HIGD1C: variants seen among roughly 807,000 people sequenced by gnomAD.
HIGD1C encodes HIG1 domain family member 1C.
HIGD1C carries 11 observed loss-of-function variants against 13.1 expected under a neutral mutation model. The observed-to-expected ratio is 0.84, with a 90% CI of 0.53 to 1.39. The LOEUF (loss-of-function observed/expected upper bound fraction) is 1.39. Ranked by LOEUF, HIGD1C falls within the 40% of genes most tolerant of loss-of-function variation. The pLI, the probability that HIGD1C is intolerant of heterozygous loss-of-function variation, is 0.00. For missense variants in HIGD1C, 110 were observed against 112.0 expected (o/e 0.98, Z 0.08); for synonymous variants, 36 against 37.7 (o/e 0.95, Z 0.17).
the HIGD1C span, among the ~76,000 whole-genome samples, chr12:50,941,289 G>T: frequency 2.0e-5 from 3 of 152,122 alleles, no homozygotes; most frequent in Non-Finnish European, 4.4e-5. Context: ...CACTCAGCCT[G>T]CCCCAATTTT....
At chr12:50,934,180 CCTGT>C in the HIGD1C span, among the ~76,000 whole-genome samples, 1 of 152,224 alleles carries the variant, frequency 6.6e-6, no homozygotes, top group African/African-American at 2.4e-5. Flanking sequence ...TGGATCAGAC[CCTGT>C]CTGTCTTCCT....
At chr12:50,939,399 C>T in the HIGD1C span, among the ~76,000 whole-genome samples, 40 of 152,290 alleles carry the variant, frequency 2.6e-4, no homozygotes, top group Middle Eastern at 3.4e-3. Flanking sequence ...CTGCCTACCT[C>T]GGCCTCCCTA....
the HIGD1C span, among the ~76,000 whole-genome samples, chr12:50,942,410 T>C: frequency 6.6e-6 from 1 of 152,222 alleles, no homozygotes; most frequent in Non-Finnish European, 1.5e-5. Flanking sequence ...CCATTGCTTC[T>C]GCACACATCA....
chr12:50,934,721 C>T, the HIGD1C span, among the ~76,000 whole-genome samples: 2 of 152,146 alleles, frequency 1.3e-5, no homozygotes, highest in Non-Finnish European at 2.9e-5. Flanking sequence ...TAGAATAGCT[C>T]GTGCCACAGC....
the HIGD1C span, among the ~76,000 whole-genome samples, chr12:50,942,124 C>T: frequency 1.3e-5 from 2 of 152,138 alleles, no homozygotes; most frequent in Non-Finnish European, 2.9e-5. Flanking sequence ...TCAAGCAATC[C>T]GCCCACCTCA....
the HIGD1C span, chr12:50,931,183 T>C: frequency 6.6e-6 from 1 of 150,686 alleles, no homozygotes; most frequent in African/African-American, 2.4e-5. Flanking sequence ...CCTGGAGAAA[T>C]GGGTTACCCC....
chr12:50,963,128 G>A (rs1385048261), intron 2 of HIGD1C, among the ~76,000 whole-genome samples: 1 of 151,976 alleles, frequency 6.6e-6, no homozygotes, highest in African/African-American at 2.4e-5. Flanking sequence ...CCAGCACTTT[G>A]GGAGGCCGAG....
At chr12:50,958,872 C>T (rs924063809) in intron 1 of HIGD1C, among the ~76,000 whole-genome samples, 11 of 151,318 alleles carry the variant, frequency 7.3e-5, no homozygotes, top group African/African-American at 2.7e-4. Flanking sequence ...CAAAAGTTGG[C>T]CAGGTGTGGT....
chr12:50,945,348 C>G, the HIGD1C span, among the ~76,000 whole-genome samples: 1 of 152,148 alleles, frequency 6.6e-6, no homozygotes, highest in Non-Finnish European at 1.5e-5. Context: ...TCGTCTCAGT[C>G]CAAAATCTCC....
chr12:50,960,296 G>A (rs1180054850), intron 1 of HIGD1C, among the ~76,000 whole-genome samples: 1 of 152,178 alleles, frequency 6.6e-6, no homozygotes, highest in Non-Finnish European at 1.5e-5. Flanking sequence ...TTTGGTAACA[G>A]GAAGAGAAGA....
chr12:50,943,698 ACT>A, the HIGD1C span, among the ~76,000 whole-genome samples: 3 of 148,096 alleles, frequency 2.0e-5, no homozygotes, highest in Admixed American at 6.8e-5. Context: ...TGACAGCGAG[ACT>A]CTGTCTCAAA....
At chr12:50,968,853 A>G (rs73297940) in intron 2 of HIGD1C, among the ~76,000 whole-genome samples, 4,150 of 147,224 alleles carry the variant, frequency 0.028, 194 homozygotes, top group African/African-American at 0.1. Context: ...TAATTTTTTT[A>G]TTTTTTTGTA....
At chr12:50,947,778 A>T in the HIGD1C span, among the ~76,000 whole-genome samples, 1 of 152,178 alleles carries the variant, frequency 6.6e-6, no homozygotes, top group South Asian at 2.1e-4. Flanking sequence ...TGAGGCATCA[A>T]ACTGGTCTAA....
chr12:50,958,176 T>G (rs556930113), intron 1 of HIGD1C, among the ~76,000 whole-genome samples: 28 of 152,214 alleles, frequency 1.8e-4, no homozygotes, highest in African/African-American at 6.3e-4. Flanking sequence ...ATCTACAGGC[T>G]TAATGTAATT....
rs541874019 is a variant in HIGD1C, at chr12:50,954,703, G to A, written c.94+611G>A. Among the ~76,000 whole-genome samples the A allele has an allele frequency of 1.3e-3, 205 of 152,144 alleles. 1 individual carries two copies. The highest frequency in any genetic ancestry group is 4.6e-3 in the African/African-American group (193 of 41,520). Reference sequence around the variant, plus strand: ...ATCACACCACTGCACTTCAGCCTGGGTGACATAGTGAGACCCTGTCTCAAA... The same window carrying A: ...ATCACACCACTGCACTTCAGCCTGGATGACATAGTGAGACCCTGTCTCAAA... On this transcript the variant is annotated intron_variant, in intron 1 of 2. Transcript: ENST00000398455.
At chr12:50,938,363 G>C in the HIGD1C span, among the ~76,000 whole-genome samples, 1 of 152,252 alleles carries the variant, frequency 6.6e-6, no homozygotes, top group Non-Finnish European at 1.5e-5. Context: ...TTCCACACCA[G>C]AGCGAGTACT....
At chr12:50,945,097 G>A in the HIGD1C span, among the ~76,000 whole-genome samples, 7 of 152,094 alleles carry the variant, frequency 4.6e-5, no homozygotes, top group African/African-American at 1.7e-4. Context: ...AATAATAAGA[G>A]CTATTTATGA....
the HIGD1C span, among the ~76,000 whole-genome samples, chr12:50,947,906 G>A: frequency 5.9e-5 from 9 of 152,264 alleles, no homozygotes; most frequent in East Asian, 1.9e-4. Flanking sequence ...CCAAGACCAC[G>A]TCACTGCACT....
At chr12:50,947,865 T>C in the HIGD1C span, among the ~76,000 whole-genome samples, 17 of 152,266 alleles carry the variant, frequency 1.1e-4, no homozygotes, top group African/African-American at 3.4e-4. Context: ...AAGAGAATCA[T>C]GTGAGCCTGA....
Sources: allele counts gnomAD v4.1 joint callset (sites outside exome capture counted in the v4.1 genomes callset), GRCh38; gene constraint gnomAD v4.1.1; transcripts MANE v1.5; gene names NCBI Gene and HGNC (gene_info 2026-07-23, HGNC 2026-07-21).